The following SVEP1 variants were observed in gnomAD, a reference collection of about 807,000 sequenced individuals.
SVEP1 encodes sushi, von Willebrand factor type A, EGF and pentraxin domain-containing protein 1.
In SVEP1, 164 loss-of-function variants were observed where a neutral mutation model predicts 367.3. The observed-to-expected ratio is 0.45, with a 90% CI of 0.39 to 0.51. The LOEUF is 0.51. SVEP1 is among the 20% of genes least tolerant of loss of function. SVEP1 has a pLI of 0.00. For missense variants in SVEP1, 4,117 were observed against 4,425.3 expected, an observed-to-expected ratio of 0.93 and a Z score of 1.98; for synonymous variants, 1,666 against 1,611.6, an observed-to-expected ratio of 1.03 and a Z score of -0.81.
chr9:110,468,527 C>G (rs1247733801), intron 17 of SVEP1, among the ~76,000 whole-genome samples: 2 of 152,206 alleles, frequency 1.3e-5, no homozygotes, highest in Admixed American at 1.3e-4. Flanking sequence ...GGACCTTCCC[C>G]TTTGAAGCAG....
intron 30 of SVEP1, among the ~76,000 whole-genome samples, chr9:110,432,960 C>A (rs2118560433): frequency 6.6e-6 from 1 of 152,280 alleles, no homozygotes; most frequent in Admixed American, 6.5e-5. Flanking sequence ...GTGTTTGGGT[C>A]ATAGGGGCAG....
chr9:110,436,096 G>T (rs1396444464), intron 28 of SVEP1, among the ~76,000 whole-genome samples: 2 of 151,348 alleles, frequency 1.3e-5, no homozygotes, highest in African/African-American at 4.9e-5. Flanking sequence ...TGCTTCTTTG[G>T]TGATATTCTT....
rs1827292272 is a variant in SVEP1, at chr9:110,372,433, T to G, written c.10601-2417A>C. Among the ~76,000 whole-genome samples the G allele has an allele frequency of 2.6e-5, 4 of 152,308 alleles. No individual in the cohort carries two copies. In the South Asian group the frequency reaches 8.3e-4, roughly 32 times the overall value. ...AGGGGTGTAACTATGCTGAGGTAGC[T>G]GCTGTAAGATTTGGCAGAACGAAGG... On this transcript the variant is annotated intron_variant, in intron 46 of 47. Coordinates refer to ENST00000374469, the MANE Select transcript of SVEP1 (RefSeq NM_153366.4).
chr9:110,463,452 T>A (rs974175009), intron 18 of SVEP1, among the ~76,000 whole-genome samples: 6 of 152,000 alleles, frequency 3.9e-5, no homozygotes, highest in African/African-American at 1.2e-4. Context: ...AAGTGCCACA[T>A]GATAGAGAAA....
chr9:110,366,642 G>A, intron 47 of SVEP1, 82 bp from the exon 48 acceptor site: 1 of 1,396,654 alleles, frequency 7.2e-7, no homozygotes, highest in Non-Finnish European at 9.6e-7. Context: ...AGGAGTTGAT[G>A]AAAACAGGAT....
chr9:110,429,054 G>T, intron 35 of SVEP1, 89 bp downstream of exon 35: 1 of 1,119,712 alleles, frequency 8.9e-7, no homozygotes, highest in Non-Finnish European at 1.2e-6. Context: ...GAGTGTCACA[G>T]TGAGACCATG....
intron 6 of SVEP1, among the ~76,000 whole-genome samples, chr9:110,502,384 G>A (rs907675426): frequency 2.6e-5 from 4 of 151,988 alleles, no homozygotes; most frequent in Non-Finnish European, 5.9e-5. Context: ...TTACAGGCGT[G>A]AGCCACCTTG....
chr9:110,567,289 C>G (rs535925534), intron 1 of SVEP1, among the ~76,000 whole-genome samples: 3 of 152,310 alleles, frequency 2.0e-5, no homozygotes, highest in East Asian at 3.9e-4. Context: ...ATATACATCT[C>G]TGTAATTTCC....
At chr9:110,482,783 C>G (rs1460482867) in intron 10 of SVEP1, among the ~76,000 whole-genome samples, 1 of 152,172 alleles carries the variant, frequency 6.6e-6, no homozygotes, top group Non-Finnish European at 1.5e-5. Flanking sequence ...CCACCTTGGC[C>G]TCTCAAAGTG....
At chr9:110,524,233 A>G (rs1829913457) in intron 3 of SVEP1, among the ~76,000 whole-genome samples, 1 of 151,902 alleles carries the variant, frequency 6.6e-6, no homozygotes, top group Non-Finnish European at 1.5e-5. Context: ...AATATCTACC[A>G]AAAAAAATAA....
chr9:110,557,503 CT>C (rs1830370174), intron 1 of SVEP1, among the ~76,000 whole-genome samples: 1 of 149,552 alleles, frequency 6.7e-6, no homozygotes, highest in Non-Finnish European at 1.5e-5. Context: ...CTCCCTCCCT[CT>C]CTCTCTCTCC....
At chr9:110,571,982 A>T (rs907291155) in intron 1 of SVEP1, among the ~76,000 whole-genome samples, 2 of 152,238 alleles carry the variant, frequency 1.3e-5, no homozygotes, top group East Asian at 3.8e-4. Context: ...TTTTACAGCC[A>T]TCGTTTACAT....
chr9:110,461,867 TTTGA>T (rs1409537709), intron 18 of SVEP1, among the ~76,000 whole-genome samples: 2 of 152,326 alleles, frequency 1.3e-5, no homozygotes, highest in East Asian at 3.9e-4. Context: ...TAATTTACTC[TTTGA>T]TTGATAGATC....
At chr9:110,393,270 C>CT (rs1335284470) in intron 40 of SVEP1, among the ~76,000 whole-genome samples, 1 of 152,142 alleles carries the variant, frequency 6.6e-6, no homozygotes, top group Non-Finnish European at 1.5e-5. Flanking sequence ...ATATTATCAT[C>CT]TTTTTTGAGG....
chr9:110,547,747 T>G (rs1830238048), intron 2 of SVEP1, among the ~76,000 whole-genome samples: 1 of 152,052 alleles, frequency 6.6e-6, no homozygotes, highest in African/African-American at 2.4e-5. Flanking sequence ...AAACCCAAAG[T>G]GGATCCATCT....
At chr9:110,394,210 G>A (rs553243200) in intron 40 of SVEP1, among the ~76,000 whole-genome samples, 39 of 152,036 alleles carry the variant, frequency 2.6e-4, no homozygotes, top group African/African-American at 9.4e-4. Flanking sequence ...AATATCCGCT[G>A]TTCTGCACCC....
Position 110,411,721 on chromosome 9 carries a change from C to A in SVEP1, c.5990G>T (p.Gly1997Val). The A allele has an allele frequency of 6.3e-7, 1 of 1,579,846 alleles. No homozygotes were observed. ...YTCKEGYTLA[G>V]LDTIECLADG... ...GGCCAGGCATTCAATGGTGTCAAGA[C>A]CAGCAAGAGTATAGCTGTGAGGTTG... The change falls in exon 37 of 48, where the codon GGT (glycine) becomes GTT (valine). Residue 1997 changes from glycine to valine, a missense_variant. By Grantham distance (109) the Gly-to-Val change is moderately radical. Transcript: ENST00000374469.
At chr9:110,451,194 C>A in intron 23 of SVEP1, 95 bp downstream of exon 23, 1 of 1,021,990 alleles carries the variant, frequency 9.8e-7, no homozygotes, top group Non-Finnish European at 1.4e-6. Flanking sequence ...TAATAAAATC[C>A]AAAAATTCAC....
intron 3 of SVEP1, among the ~76,000 whole-genome samples, chr9:110,531,434 C>T (rs1409107618): frequency 6.6e-6 from 1 of 152,126 alleles, no homozygotes; most frequent in Non-Finnish European, 1.5e-5. Context: ...GGCAGTTACC[C>T]TCATGCTGTT....
Sources: allele counts gnomAD v4.1 joint callset (sites outside exome capture counted in the v4.1 genomes callset), GRCh38; gene constraint gnomAD v4.1.1; transcripts MANE v1.5; gene names NCBI Gene and HGNC (gene_info 2026-07-23, HGNC 2026-07-21).